Variants in SLCO2B1 observed in about 807,000 individuals in gnomAD.
The protein encoded by SLCO2B1 is solute carrier organic anion transporter family member 2B1.
Under a neutral mutation model 67.3 loss-of-function variants are expected in SLCO2B1, and 41 were observed. That is an observed-to-expected ratio of 0.61 (90% CI 0.47 to 0.79). SLCO2B1 has a LOEUF of 0.79. Among genes scored for constraint, SLCO2B1 ranks in the 30% least tolerant of loss-of-function variants. The pLI is 0.00. For synonymous variants in SLCO2B1, 379 were observed against 381.4 expected (o/e 0.99, Z 0.07); for missense variants, 837 against 920.1 (o/e 0.91, Z 1.17).
chr11:75,156,642 A>G (rs1328469989), intron 1 of SLCO2B1, among the ~76,000 whole-genome samples: 1 of 152,206 alleles, frequency 6.6e-6, no homozygotes, highest in African/African-American at 2.4e-5. Context: ...CGTGCAAGAA[A>G]GAATTCAGTG....
chr11:75,163,971 T>C lies in SLCO2B1; in HGVS notation c.156T>C (p.Val52=). ...TCCGGGTCCCCCCACAGCTGTTCGTTCTGTGCCACAGCCTGCTGCAGCTGG... is the reference window on the plus strand; with the variant it reads ...TCCGGGTCCCCCCACAGCTGTTCGTCCTGTGCCACAGCCTGCTGCAGCTGG... ...PSVFHNIKLF[V]LCHSLLQLAQ... is the part of the protein sequence containing the mutation. The change falls in exon 3 of 14, where the codon GTT becomes GTC. Residue 52 remains valine, a synonymous_variant. Transcript: ENST00000289575. The C allele has an allele frequency of 6.2e-7, 1 of 1,600,324 alleles. No homozygotes were observed. The highest frequency in any genetic ancestry group is 1.1e-5 in the South Asian group (1 of 88,504).
intron 7 of SLCO2B1, among the ~76,000 whole-genome samples, chr11:75,174,199 C>T (rs1258389553): frequency 2.0e-5 from 3 of 152,170 alleles, no homozygotes; most frequent in Non-Finnish European, 4.4e-5. Flanking sequence ...ATTAGATTTC[C>T]TCCTTCTCAA....
Position 75,206,200 on chromosome 11 carries a change from G to GA in SLCO2B1, c.*1627dup, listed in dbSNP as rs891861874. On this transcript the variant is annotated 3_prime_UTR_variant, in exon 14 of 14. Transcript: ENST00000289575. Reference sequence around the variant, plus strand: ...CCTCTTGTTTCCCAGGTTTTGCAGGGAAAAAAAGTCTGGAATTATAGATAC... The same window carrying GA: ...CCTCTTGTTTCCCAGGTTTTGCAGGGAAAAAAAAGTCTGGAATTATAGATAC... 1.3e-5 allele frequency: 2 copies of GA among 152,128 alleles called. No individual in the cohort carries two copies. The highest frequency in any genetic ancestry group is 6.5e-5 in the Admixed American group (1 of 15,288). 9.4% of individuals were successfully genotyped at this position (152,128 alleles called of 1,614,324 possible). A position where few individuals can be genotyped will look rare whatever the true frequency, so the allele number is the denominator to read the frequency against.
rs777974470 is a variant in SLCO2B1 at position 75,204,428 on chromosome 11, A to T, written c.1978A>T (p.Thr660Ser). 1.9e-6 allele frequency: 3 copies of T among 1,609,620 alleles called. No individual in the cohort carries two copies. The South Asian group carries it at 3.3e-5, about 18-fold the overall frequency. Residue 660 changes from threonine (T) to serine (S), a missense_variant, in exon 14 of 14, where the codon ACA becomes TCA. Thr to Ser is a moderately conservative substitution (Grantham distance 58). Coordinates refer to ENST00000289575, the MANE Select transcript of SLCO2B1 (RefSeq NM_007256.5). ...CATCGGCCTCCAGTTCTTCTTCAAA[A>T]CAGGTTCTGTGATCTGCTTCGCCTT... ...RFIGLQFFFK[T>S]GSVICFALVL...
At chr11:75,191,382 T>C (rs1189304716) in intron 8 of SLCO2B1, among the ~76,000 whole-genome samples, 1 of 152,174 alleles carries the variant, frequency 6.6e-6, no homozygotes, top group African/African-American at 2.4e-5. Context: ...AGCAGCTACC[T>C]GGGGTCAGAG....
intron 1 of SLCO2B1, among the ~76,000 whole-genome samples, chr11:75,159,512 C>T (rs1949787996): frequency 6.6e-6 from 1 of 152,236 alleles, no homozygotes; most frequent in African/African-American, 2.4e-5. Flanking sequence ...TGCCCTTCCA[C>T]AGGAGGACAC....
intron 10 of SLCO2B1, 43 bp from the exon 11 acceptor site, chr11:75,200,181 C>T: frequency 6.4e-7 from 1 of 1,567,308 alleles, no homozygotes; most frequent in Non-Finnish European, 8.7e-7. Context: ...AGCTGCCTGC[C>T]CTTGGAGGCT....
intron 8 of SLCO2B1, among the ~76,000 whole-genome samples, chr11:75,191,240 G>A (rs974312542): frequency 6.6e-6 from 1 of 152,116 alleles, no homozygotes; most frequent in African/African-American, 2.4e-5. Flanking sequence ...ACTTGGGCGA[G>A]CCCCTGTCCC....
At chr11:75,174,061 C>T (rs953661902) in intron 7 of SLCO2B1, among the ~76,000 whole-genome samples, 1 of 152,190 alleles carries the variant, frequency 6.6e-6, no homozygotes, top group Non-Finnish European at 1.5e-5. Context: ...CTCAGCCTCC[C>T]AAAGTGCTGG....
intron 13 of SLCO2B1, chr11:75,203,753 G>A (rs1282146477): frequency 3.5e-6 from 1 of 283,052 alleles, no homozygotes; most frequent in African/African-American, 2.2e-5. Context: ...TGGGGTGAAG[G>A]GCTGGGGAGA....
chr11:75,183,019 G>A (rs1950107810), intron 7 of SLCO2B1, among the ~76,000 whole-genome samples: 1 of 152,170 alleles, frequency 6.6e-6, no homozygotes, highest in African/African-American at 2.4e-5. Context: ...CTCTCCCAGA[G>A]CTCAGACGGG....
intron 1 of SLCO2B1, among the ~76,000 whole-genome samples, chr11:75,156,469 C>T (rs1303602662): frequency 6.6e-6 from 1 of 152,072 alleles, no homozygotes; most frequent in East Asian, 1.9e-4. Flanking sequence ...GTAGGAAGGG[C>T]CCAAGGCAGG....
chr11:75,177,559 T>C (rs1853766010), intron 7 of SLCO2B1, among the ~76,000 whole-genome samples: 1 of 152,176 alleles, frequency 6.6e-6, no homozygotes, highest in Admixed American at 6.5e-5. Context: ...ACATAGGGTT[T>C]ATTGAGGGAA....
intron 7 of SLCO2B1, among the ~76,000 whole-genome samples, chr11:75,172,877 C>T (rs1052488107): frequency 7.9e-5 from 12 of 151,370 alleles, no homozygotes; most frequent in African/African-American, 1.9e-4. Context: ...TGCAGTGAGC[C>T]GAGATTGCAC....
chr11:75,203,390 G>T lies in SLCO2B1; in HGVS notation c.1912G>T (p.Val638Phe). Residue 638 changes from valine (V) to phenylalanine (F), a missense_variant, in exon 13 of 14, where the codon GTC becomes TTC. By Grantham distance (50) the Val-to-Phe change is conservative. Coordinates refer to ENST00000289575, the MANE Select transcript of SLCO2B1 (RefSeq NM_007256.5). Reference sequence around the variant, plus strand: ...GGCCCTGAGCTGTGGGCGTCGAGCTGTCTGTCGCTACTACAATAATGACCT... The same window carrying T: ...GGCCCTGAGCTGTGGGCGTCGAGCTTTCTGTCGCTACTACAATAATGACCT... ...HWALSCGRRA[V>F]CRYYNNDLLR... is the part of the protein sequence containing the mutation. 6.2e-7 allele frequency: 1 copy of T among 1,614,176 alleles called. No individual in the cohort carries two copies.
intron 1 of SLCO2B1, among the ~76,000 whole-genome samples, chr11:75,160,347 A>T (rs1645577709): frequency 6.6e-6 from 1 of 152,236 alleles, no homozygotes; most frequent in Non-Finnish European, 1.5e-5. Flanking sequence ...GACCAATGCT[A>T]ACCAGCAAAG....
Position 75,196,597 on chromosome 11 carries a change from C to T in SLCO2B1, c.1517C>T (p.Pro506Leu), listed in dbSNP as rs1187595918. 1.9e-6 allele frequency: 3 copies of T among 1,614,126 alleles called. No homozygotes were observed. The highest frequency in any genetic ancestry group is 2.5e-6 in the Non-Finnish European group (3 of 1,180,040). ...PLDGFNPVCD[P>L]STRVEYITPC... ...GACGGCTTTAACCCTGTCTGCGACC[C>T]CAGCACTCGTGTGGAATACATCACA... Residue 506 changes from proline (P) to leucine (L), a missense_variant, in exon 10 of 14, where the codon CCC becomes CTC. Physicochemically the swap from Pro to Leu is moderately conservative, Grantham distance 98. Coordinates refer to ENST00000289575, the MANE Select transcript of SLCO2B1 (RefSeq NM_007256.5).
chr11:75,192,814 G>C (rs1248097079), intron 8 of SLCO2B1, among the ~76,000 whole-genome samples: 1 of 152,192 alleles, frequency 6.6e-6, no homozygotes, highest in Non-Finnish European at 1.5e-5. Context: ...GGGAGGCCAA[G>C]GAGGGTGGAT....
chr11:75,162,563 A>T, intron 1 of SLCO2B1, 92 bp from the exon 2 acceptor site: 1 of 1,338,510 alleles, frequency 7.5e-7, no homozygotes, highest in South Asian at 1.5e-5. Flanking sequence ...TTCCTGAAAG[A>T]CCTTGGTTCT....
Sources: allele counts gnomAD v4.1 joint callset (sites outside exome capture counted in the v4.1 genomes callset), GRCh38; gene constraint gnomAD v4.1.1; transcripts MANE v1.5; gene names NCBI Gene and HGNC (gene_info 2026-07-23, HGNC 2026-07-21).